Variants in LRRTM4 observed in about 807,000 individuals in gnomAD.
LRRTM4 encodes the protein leucine rich repeat transmembrane neuronal 4, also known as leucine-rich repeat transmembrane neuronal protein 4.
Under a neutral mutation model 47.6 loss-of-function variants are expected in LRRTM4, and 25 were observed. The ratio of observed to expected loss-of-function variants is 0.53; its 90% CI spans 0.38 to 0.73. The LOEUF (loss-of-function observed/expected upper bound fraction) is 0.73, where lower values mean the gene tolerates loss of function less well. Among genes scored for constraint, LRRTM4 ranks in the 30% least tolerant of loss-of-function variants. The probability of loss-of-function intolerance (pLI) is 0.00; values close to 1 mark genes in which losing one functional copy is unlikely to be tolerated. For missense variants in LRRTM4, 638 were observed against 713.4 expected (o/e 0.89, Z 1.20); for synonymous variants, 311 against 269.5 (o/e 1.15, Z -1.51).
intron 3 of LRRTM4, among the ~76,000 whole-genome samples, chr2:76,957,323 G>C (rs1675707261): frequency 6.6e-6 from 1 of 151,596 alleles, no homozygotes; most frequent in South Asian, 2.1e-4. Flanking sequence ...AAAAGTTTTA[G>C]AGATATGCTC....
chr2:77,146,240 G>A (rs1672258665), intron 3 of LRRTM4, among the ~76,000 whole-genome samples: 1 of 152,052 alleles, frequency 6.6e-6, no homozygotes, highest in African/African-American at 2.4e-5. Flanking sequence ...TGTAAAGACG[G>A]GGAACAGAAT....
chr2:77,212,457 T>TTATATATA (rs367948629), intron 3 of LRRTM4, among the ~76,000 whole-genome samples: 2 of 145,514 alleles, frequency 1.4e-5, no homozygotes, highest in Admixed American at 6.9e-5. Flanking sequence ...AGTGGAATAA[T>TTATATATA]TATATATATA....
chr2:76,854,850 C>T (rs972458280), intron 3 of LRRTM4, among the ~76,000 whole-genome samples: 9 of 140,806 alleles, frequency 6.4e-5, no homozygotes, highest in South Asian at 2.2e-4. Flanking sequence ...TCTATAAGGG[C>T]GAGAAAGACC....
At chr2:76,778,776 G>T (rs372753345) in intron 3 of LRRTM4, among the ~76,000 whole-genome samples, 32 of 150,236 alleles carry the variant, frequency 2.1e-4, no homozygotes, top group East Asian at 9.9e-4. Context: ...TCTGCTCTGA[G>T]TTTAGTTATT....
chr2:76,945,754 AGTGTGTGT>A (rs71376806), intron 3 of LRRTM4, among the ~76,000 whole-genome samples: 14 of 150,234 alleles, frequency 9.3e-5, no homozygotes, highest in Non-Finnish European at 1.9e-4. Flanking sequence ...AGTGTGTAGA[AGTGTGTGT>A]GTGTGTGTGT....
intron 3 of LRRTM4, among the ~76,000 whole-genome samples, chr2:76,788,569 T>G (rs547322518): frequency 4.5e-4 from 68 of 152,320 alleles, no homozygotes; most frequent in African/African-American, 1.6e-3. Flanking sequence ...ATAAGAGAGA[T>G]AATTTCAGAA....
intron 3 of LRRTM4, among the ~76,000 whole-genome samples, chr2:76,995,942 C>T (rs985473584): frequency 2.6e-5 from 4 of 151,978 alleles, no homozygotes; most frequent in Non-Finnish European, 5.9e-5. Context: ...ATTTAAAAAA[C>T]TCAGGGAGAA....
At chr2:77,026,181 A>G (rs554597531) in intron 3 of LRRTM4, among the ~76,000 whole-genome samples, 322 of 152,280 alleles carry the variant, frequency 2.1e-3, no homozygotes, top group Middle Eastern at 0.014. Context: ...AGAAAAAAAT[A>G]TTTTGATTTA....
At chr2:76,808,413 C>A (rs768022790) in intron 3 of LRRTM4, among the ~76,000 whole-genome samples, 2 of 148,900 alleles carry the variant, frequency 1.3e-5, no homozygotes, top group East Asian at 4.0e-4. Flanking sequence ...TATTTTCCAA[C>A]TGCATTGAAA....
At chr2:77,183,526 T>C (rs1197214121) in intron 3 of LRRTM4, among the ~76,000 whole-genome samples, 1 of 152,178 alleles carries the variant, frequency 6.6e-6, no homozygotes, top group East Asian at 1.9e-4. Context: ...AGTGTGGCAA[T>C]TCCTCAGGGA....
intron 3 of LRRTM4, among the ~76,000 whole-genome samples, chr2:77,499,820 C>G (rs754347876): frequency 6.6e-6 from 1 of 151,720 alleles, no homozygotes; most frequent in Non-Finnish European, 1.5e-5. Flanking sequence ...CTCTCCTTCC[C>G]TGGAAGGCAT....
chr2:77,456,396 T>G (rs1167679847), intron 3 of LRRTM4, among the ~76,000 whole-genome samples: 2 of 152,156 alleles, frequency 1.3e-5, no homozygotes, highest in African/African-American at 4.8e-5. Flanking sequence ...CACAAATAAT[T>G]TGCATTCTCA....
At chr2:77,137,790 C>T (rs770557943) in intron 3 of LRRTM4, among the ~76,000 whole-genome samples, 1 of 151,830 alleles carries the variant, frequency 6.6e-6, no homozygotes, top group African/African-American at 2.4e-5. Context: ...ATCTACCAAG[C>T]AAATTTAAAA....
intron 3 of LRRTM4, among the ~76,000 whole-genome samples, chr2:76,843,850 G>A (rs11898898): frequency 0.2 from 29,670 of 151,266 alleles, 3,021 homozygotes; most frequent in Admixed American, 0.26. Context: ...TCAATACTAG[G>A]CCTTTTTGTC....
chr2:77,205,768 TTATGA>T (rs1573075268), intron 3 of LRRTM4, among the ~76,000 whole-genome samples: 1 of 152,340 alleles, frequency 6.6e-6, no homozygotes, highest in East Asian at 1.9e-4. Flanking sequence ...ACCCATTATA[TTATGA>T]TTGCTGAATG....
At chr2:77,174,527 G>A (rs919309745) in intron 3 of LRRTM4, among the ~76,000 whole-genome samples, 1 of 152,134 alleles carries the variant, frequency 6.6e-6, no homozygotes, top group South Asian at 2.1e-4. Context: ...TTGTTACATA[G>A]AATTGGCCAA....
intron 3 of LRRTM4, among the ~76,000 whole-genome samples, chr2:76,784,976 A>G (rs1674594206): frequency 6.6e-6 from 1 of 152,110 alleles, no homozygotes; most frequent in African/African-American, 2.4e-5. Context: ...TATCACACCA[A>G]TTTAGGACTT....
chr2:77,230,350 TCTC>T (rs1355716764), intron 3 of LRRTM4, among the ~76,000 whole-genome samples: 1 of 152,000 alleles, frequency 6.6e-6, no homozygotes, highest in Admixed American at 6.6e-5. Context: ...ACACAACTGT[TCTC>T]CTTAAAAATA....
chr2:77,299,847 ATTTTTTT>A (rs145008759), intron 3 of LRRTM4, among the ~76,000 whole-genome samples: 3 of 114,210 alleles, frequency 2.6e-5, no homozygotes, highest in Non-Finnish European at 5.3e-5. Context: ...TAAGGTAATG[ATTTTTTT>A]TTTTTTTTTT....
Sources: allele counts gnomAD v4.1 joint callset (sites outside exome capture counted in the v4.1 genomes callset), GRCh38; gene constraint gnomAD v4.1.1; transcripts MANE v1.5; gene names NCBI Gene and HGNC (gene_info 2026-07-23, HGNC 2026-07-21).